Variants in DCUN1D5 observed in about 807,000 individuals in gnomAD.
DCUN1D5 encodes defective in cullin neddylation 1 domain containing 5.
A neutral mutation model predicts 38.3 loss-of-function variants in DCUN1D5; 10 were observed. That is an observed-to-expected ratio of 0.26 (90% confidence interval 0.16 to 0.44). The LOEUF is 0.44. Among genes scored for constraint, DCUN1D5 ranks in the 20% least tolerant of loss-of-function variants. DCUN1D5 has a pLI of 1.00. For missense variants in DCUN1D5, 148 were observed against 275.3 expected (o/e 0.54, Z 3.27); for synonymous variants, 93 against 90.9 (o/e 1.02, Z -0.13).
At position 103,083,717 on chromosome 11, in the gene DCUN1D5, A is replaced by T. The variant is rs1299481208; in HGVS notation, c.179-391T>A. On this transcript the variant is annotated intron_variant, in intron 2 of 7. Transcript: ENST00000260247. The surrounding 1 kb of genome is among the most constrained non-coding windows in gnomAD (Gnocchi z 4.4). Reference sequence around the variant, plus strand: ...AGCTGGAGCTTCTTAATCTACTGGAATATCAGAACCAACACAAAGTTCAAT... The same window carrying T: ...AGCTGGAGCTTCTTAATCTACTGGATTATCAGAACCAACACAAAGTTCAAT... 6.6e-6 allele frequency among the ~76,000 whole-genome samples: 1 copy of T among 152,104 alleles called. No homozygotes were observed. Among genetic ancestry groups the T allele is most frequent in the Non-Finnish European group, 1.5e-5 (1 of 67,954 alleles).
chr11:103,073,859 G>C lies in DCUN1D5; in HGVS notation c.342-7292C>G, dbSNP rs887733522. On this transcript the variant is annotated intron_variant, in intron 4 of 7. Coordinates refer to ENST00000260247, the MANE Select transcript of DCUN1D5 (RefSeq NM_032299.4). This position sits in a 1 kb window ranked among gnomAD's most constrained non-coding sequence, Gnocchi z 4.2. Reference sequence around the variant, plus strand: ...AGGCTCAGGCGGGCAGATCACTTGAGGTCAGGATTTTGAGACCAGCCTGGC... The same window carrying C: ...AGGCTCAGGCGGGCAGATCACTTGACGTCAGGATTTTGAGACCAGCCTGGC... 1.3e-5 allele frequency among the ~76,000 whole-genome samples: 2 copies of C among 152,126 alleles called. No individual in the cohort carries two copies. Among genetic ancestry groups the C allele is most frequent in the Non-Finnish European group, 1.5e-5 (1 of 68,036 alleles).
At position 103,051,501 on chromosome 11, in the gene DCUN1D5, T is replaced by TCCCCCCCCCCCCCCCCCCC. The variant is rs71066136; in HGVS notation, c.*10857_*10858insGGGGGGGGGGGGGGGGGGG. The TCCCCCCCCCCCCCCCCCCC allele has an allele frequency of 1.8e-5, 2 of 111,416 alleles. No individual in the cohort carries two copies. Among genetic ancestry groups the TCCCCCCCCCCCCCCCCCCC allele is most frequent in the Non-Finnish European group, 3.5e-5 (2 of 56,742 alleles). 6.9% of individuals were successfully genotyped at this position (111,416 alleles called of 1,614,324 possible). ...GATTTGGTGGCTTCACATATTTACT[T>TCCCCCCCCCCCCCCCCCCC]CCCCCCCCCCCCCGCCACCCCTGTG... On this transcript the variant is annotated 3_prime_UTR_variant, in exon 8 of 8. Coordinates refer to ENST00000260247, the MANE Select transcript of DCUN1D5 (RefSeq NM_032299.4).
chr11:103,077,178 A>C lies in DCUN1D5; in HGVS notation c.341+5570T>G, dbSNP rs531058066. On this transcript the variant is annotated intron_variant, in intron 4 of 7. Transcript: ENST00000260247. This position sits in a 1 kb window ranked among gnomAD's most constrained non-coding sequence, Gnocchi z 4.3. ...TCGCGCCACTGCACTCCAGCCTGGG[A>C]GACTGAGCAAGACGCCGTCTCAAAT... 6.6e-6 allele frequency among the ~76,000 whole-genome samples: 1 copy of C among 152,152 alleles called. No individual in the cohort carries two copies. Among genetic ancestry groups the C allele is most frequent in the South Asian group, 2.1e-4 (1 of 4,824 alleles).
intron 1 of DCUN1D5, among the ~76,000 whole-genome samples, chr11:103,090,702 G>A (rs1052153976): frequency 6.6e-6 from 1 of 152,154 alleles, no homozygotes; most frequent in Non-Finnish European, 1.5e-5. Flanking sequence ...CGCGAGGTCA[G>A]GAGTTCAAGA....
chr11:103,080,430 A>T (rs1862529677), intron 4 of DCUN1D5, among the ~76,000 whole-genome samples: 1 of 152,240 alleles, frequency 6.6e-6, no homozygotes, highest in Non-Finnish European at 1.5e-5. Flanking sequence ...GTTTTTAATA[A>T]GAAAATTCAA....
rs1012008663 is a variant in DCUN1D5, at chr11:103,052,209, G to A, written c.*10150C>T. 3.5e-4 allele frequency: 54 copies of A among 152,160 alleles called. No homozygotes were observed. Among genetic ancestry groups the A allele is most frequent in the Admixed American group, 3.5e-3 (54 of 15,280 alleles). 9.4% of individuals were successfully genotyped at this position (152,160 alleles called of 1,614,324 possible). A position where few individuals can be genotyped will look rare whatever the true frequency, so the allele number is the denominator to read the frequency against. On this transcript the variant is annotated 3_prime_UTR_variant, in exon 8 of 8. Transcript: ENST00000260247. Reference sequence around the variant, plus strand: ...GCACCATGCTGAGAGCTGAAGACATGGTTTCTGCCCTCAAGAATCTCAGTC... The same window carrying A: ...GCACCATGCTGAGAGCTGAAGACATAGTTTCTGCCCTCAAGAATCTCAGTC...
rs149881222 is a variant in DCUN1D5, at chr11:103,075,261, C to G, written c.341+7487G>C. Among the ~76,000 whole-genome samples the G allele has an allele frequency of 1.4e-3, 212 of 152,268 alleles. 2 individuals carry two copies. Among genetic ancestry groups the G allele is most frequent in the African/African-American group, 4.7e-3 (195 of 41,544 alleles). ...ATGTCAACAACCAGACCCTAGGTGA[C>G]TAGGAATAGGTAGGTTTCTTCAGGG... On this transcript the variant is annotated intron_variant, in intron 4 of 7. Transcript: ENST00000260247.
intron 1 of DCUN1D5, among the ~76,000 whole-genome samples, chr11:103,090,161 G>C (rs2134641092): frequency 6.6e-6 from 1 of 152,240 alleles, no homozygotes; most frequent in East Asian, 1.9e-4. Flanking sequence ...TATCACCTGA[G>C]TTCTAATAAT....
intron 1 of DCUN1D5, among the ~76,000 whole-genome samples, chr11:103,089,961 C>G (rs1591232506): frequency 7.7e-6 from 1 of 129,182 alleles, no homozygotes; most frequent in African/African-American, 3.4e-5. Flanking sequence ...AAATCATTTT[C>G]ATTGTTTTTC....
Position 103,064,409 on chromosome 11 carries a change from A to C in DCUN1D5, c.556-32T>G. ...AAATGATTTAAATATTTGTATTTAA[A>C]TATTTAAACAAACATCATTTACTCA... On this transcript the variant is annotated intron_variant, in intron 6 of 7. Coordinates refer to ENST00000260247, the MANE Select transcript of DCUN1D5 (RefSeq NM_032299.4). This position sits in a 1 kb window ranked among gnomAD's most constrained non-coding sequence, Gnocchi z 4.5. 1 of 1,499,016 alleles carries C rather than the reference A, an allele frequency of 6.7e-7. No individual in the cohort carries two copies. The highest frequency in any genetic ancestry group is 9.1e-7 in the Non-Finnish European group (1 of 1,103,238). The allele number at this position is 1,499,016 out of a possible 1,614,324, so 92.9% of individuals were successfully genotyped here.
Position 103,091,839 on chromosome 11 carries a change from C to G in DCUN1D5, c.34G>C (p.Val12Leu). 6.2e-7 allele frequency: 1 copy of G among 1,613,988 alleles called. No homozygotes were observed. The highest frequency in any genetic ancestry group is 8.5e-7 in the Non-Finnish European group (1 of 1,179,900). Residue 12 changes from valine (V) to leucine (L), a missense_variant, in exon 1 of 8, where the codon GTG becomes CTG. Val to Leu is a conservative substitution (Grantham distance 32, BLOSUM62 1). Coordinates refer to ENST00000260247, the MANE Select transcript of DCUN1D5 (RefSeq NM_032299.4). This position sits in a 1 kb window ranked among gnomAD's most constrained non-coding sequence, Gnocchi z 4.3. ...PVKKKRKSPG[V>L]AAAVAEDGGL... ...CCGTCTTCCGCTACTGCTGCTGCCA[C>G]CCCAGGGGATTTTCTCTTCTTCTTC...
At position 103,057,552 on chromosome 11, in the gene DCUN1D5, A is replaced by C. The variant is rs75039344; in HGVS notation, c.*4807T>G. ...AAATCCCATCTTTACTAAAACAAAC[A>C]AAAAAAAAAATACAAAACTTAGCTG... On this transcript the variant is annotated 3_prime_UTR_variant, in exon 8 of 8. Transcript: ENST00000260247. This position sits in a 1 kb window ranked among gnomAD's most constrained non-coding sequence, Gnocchi z 4.8. 8.2e-6 allele frequency among the ~76,000 whole-genome samples: 1 copy of C among 122,422 alleles called. No homozygotes were observed. Among genetic ancestry groups the C allele is most frequent in the Admixed American group, 9.1e-5 (1 of 11,018 alleles). 80.3% of individuals were successfully genotyped at this position (122,422 alleles called of 152,430 possible).
rs1215202217 is a variant in DCUN1D5 at position 103,081,155 on chromosome 11, T to C, written c.341+1593A>G. ...AGACTTTTTATATTGTATCAACTTA[T>C]GCAAAAACATAAATAAGAAACTTTT... On this transcript the variant is annotated intron_variant, in intron 4 of 7. Transcript: ENST00000260247. Among the ~76,000 whole-genome samples the C allele has an allele frequency of 5.3e-5, 8 of 152,322 alleles. No individual in the cohort carries two copies. In the South Asian group the frequency reaches 1.7e-3, roughly 32 times the overall value.
At chr11:103,070,608 A>C (rs552578122) in intron 4 of DCUN1D5, among the ~76,000 whole-genome samples, 3 of 152,334 alleles carry the variant, frequency 2.0e-5, no homozygotes, top group Admixed American at 2.0e-4. Context: ...CACTGAAAAG[A>C]GAAATAAATT....
rs907475280 is a variant in DCUN1D5, at chr11:103,077,666, GAA to G, written c.341+5080_341+5081del. ...TCATTAAAGACCTTTAAAGTGAGAA[GAA>G]AGTTTCATGCATGTATTAGATGTAA... On this transcript the variant is annotated intron_variant, in intron 4 of 7. Coordinates refer to ENST00000260247, the MANE Select transcript of DCUN1D5 (RefSeq NM_032299.4). This position sits in a 1 kb window ranked among gnomAD's most constrained non-coding sequence, Gnocchi z 4.3. 3.3e-5 allele frequency among the ~76,000 whole-genome samples: 5 copies of G among 152,204 alleles called. No individual in the cohort carries two copies. The highest frequency in any genetic ancestry group is 1.2e-4 in the African/African-American group (5 of 41,446).
chr11:103,065,422 G>T lies in DCUN1D5; in HGVS notation c.555+847C>A, dbSNP rs915131633. ...TCTGCCTGCCTTGGCCTCCCAACGT[G>T]CTGGGATTACAGGCGTGTGCCACCA... On this transcript the variant is annotated intron_variant, in intron 6 of 7. Coordinates refer to ENST00000260247, the MANE Select transcript of DCUN1D5 (RefSeq NM_032299.4). The surrounding 1 kb of genome is among the most constrained non-coding windows in gnomAD (Gnocchi z 4.6). Among the ~76,000 whole-genome samples, 4 of 152,196 alleles carry T rather than the reference G, an allele frequency of 2.6e-5. No individual in the cohort carries two copies. The highest frequency in any genetic ancestry group is 9.7e-5 in the African/African-American group (4 of 41,444).
At position 103,083,179 on chromosome 11, in the gene DCUN1D5, A is replaced by C; in HGVS notation, c.249+77T>G. 2.7e-6 allele frequency: 2 copies of C among 730,236 alleles called. No individual in the cohort carries two copies. Among genetic ancestry groups the C allele is most frequent in the Admixed American group, 4.7e-5 (2 of 42,706 alleles). The allele number at this position is 730,236 out of a possible 1,614,324, so 45.2% of individuals were successfully genotyped here. A position where few individuals can be genotyped will look rare whatever the true frequency, so the allele number is the denominator to read the frequency against. On this transcript the variant is annotated intron_variant, in intron 3 of 7. Transcript: ENST00000260247. This position sits in a 1 kb window ranked among gnomAD's most constrained non-coding sequence, Gnocchi z 4.4. ...GAAATAAAATCTTCATACAAGATTAAAGTGTCTCGATTTTTAGTAATTTAC... is the reference window on the plus strand; with the variant it reads ...GAAATAAAATCTTCATACAAGATTACAGTGTCTCGATTTTTAGTAATTTAC...
At position 103,083,212 on chromosome 11, in the gene DCUN1D5, C is replaced by T. The variant is rs17099920; in HGVS notation, c.249+44G>A. The stretch of plus-strand genomic sequence containing the variant: ...CGATTTTTAGTAATTTACGAATATG[C>T]TATACCCCACTTATATGCCATTCTA... On this transcript the variant is annotated intron_variant, in intron 3 of 7. Coordinates refer to ENST00000260247, the MANE Select transcript of DCUN1D5 (RefSeq NM_032299.4). The surrounding 1 kb of genome is among the most constrained non-coding windows in gnomAD (Gnocchi z 4.4). 987 of 926,896 alleles carry T rather than the reference C, an allele frequency of 1.1e-3. 7 individuals are homozygous for T. In the African/African-American group the frequency reaches 0.013, roughly 12 times the overall value. The allele number at this position is 926,896 out of a possible 1,614,324, so 57.4% of individuals were successfully genotyped here.
In DCUN1D5 at chr11:103,086,084, C is replaced by T. The variant is rs942935905; in HGVS notation, c.179-2758G>A. Among the ~76,000 whole-genome samples the T allele has an allele frequency of 4.6e-5, 7 of 151,914 alleles. No individual in the cohort carries two copies. The highest frequency in any genetic ancestry group is 1.7e-4 in the African/African-American group (7 of 41,328). Reference sequence around the variant, plus strand: ...GATATTTTCAAAACTAAAAGAAAAACACCATCAATTTCCTGATTTCTTTAT... The same window carrying T: ...GATATTTTCAAAACTAAAAGAAAAATACCATCAATTTCCTGATTTCTTTAT... On this transcript the variant is annotated intron_variant, in intron 2 of 7. Transcript: ENST00000260247. This position sits in a 1 kb window ranked among gnomAD's most constrained non-coding sequence, Gnocchi z 4.1.
Sources: allele counts gnomAD v4.1 joint callset (sites outside exome capture counted in the v4.1 genomes callset), GRCh38; gene constraint gnomAD v4.1.1; non-coding constraint Gnocchi (gnomAD v3.1); transcripts MANE v1.5; gene names NCBI Gene and HGNC (gene_info 2026-07-23, HGNC 2026-07-21).